Variants in PLCG2 observed in about 807,000 individuals in gnomAD.
The protein encoded by PLCG2 is phospholipase C gamma 2.
In PLCG2, 69 loss-of-function variants were observed where a neutral mutation model predicts 175.6. The ratio of observed to expected loss-of-function variants is 0.39; its 90% CI spans 0.32 to 0.48. The LOEUF (loss-of-function observed/expected upper bound fraction) is 0.48, where lower values mean the gene tolerates loss of function less well. Among genes scored for constraint, PLCG2 ranks in the 20% least tolerant of loss-of-function variants. PLCG2 has a pLI of 0.91. For missense variants in PLCG2, 1,798 were observed against 1,650.9 expected, an observed-to-expected ratio of 1.09 and a Z score of -1.54; for synonymous variants, 827 against 624.0, an observed-to-expected ratio of 1.33 and a Z score of -4.85.
intron 1 of PLCG2, chr16:81,785,727 G>T (rs184477337): frequency 1.6e-4 from 58 of 352,684 alleles, no homozygotes; most frequent in Admixed American, 3.5e-4. Context: ...TTGGGTCCTT[G>T]AGGTCAGGGG....
chr16:81,860,667 G>A (rs1906935351), intron 5 of PLCG2, among the ~76,000 whole-genome samples: 1 of 152,042 alleles, frequency 6.6e-6, no homozygotes, highest in Non-Finnish European at 1.5e-5. Flanking sequence ...TCTTGATAAT[G>A]TAATGATAAA....
In PLCG2 at chr16:81,962,238, C is replaced by G. The variant is rs1756765326; in HGVS notation, c.*4240C>G. On this transcript the variant is annotated 3_prime_UTR_variant, in exon 33 of 33. Transcript: ENST00000564138. ...AAGGATGGCTAAAAAGGACCTCAAC[C>G]CTTTTGACTTTAAAAGGAAAATAGC... 1 of 191,776 alleles carries G rather than the reference C, an allele frequency of 5.2e-6. No homozygotes were observed. Among genetic ancestry groups the G allele is most frequent in the Admixed American group, 6.2e-5 (1 of 16,252 alleles). The allele number at this position is 191,776 out of a possible 1,614,324, so 11.9% of individuals were successfully genotyped here. A position where few individuals can be genotyped will look rare whatever the true frequency, so the allele number is the denominator to read the frequency against.
At chr16:81,941,394 G>A (rs1567543142) in intron 30 of PLCG2, among the ~76,000 whole-genome samples, 1 of 152,194 alleles carries the variant, frequency 6.6e-6, no homozygotes, top group Non-Finnish European at 1.5e-5. Context: ...AGTCAGCCCA[G>A]GGTGGGGCCA....
intron 31 of PLCG2, among the ~76,000 whole-genome samples, chr16:81,949,819 C>T (rs1246327553): frequency 2.0e-5 from 3 of 152,026 alleles, no homozygotes; most frequent in Non-Finnish European, 4.4e-5. Context: ...AATCAAGTAT[C>T]AACAAAGCAA....
At chr16:81,826,415 C>G (rs1905052206) in intron 2 of PLCG2, among the ~76,000 whole-genome samples, 1 of 152,216 alleles carries the variant, frequency 6.6e-6, no homozygotes, top group Non-Finnish European at 1.5e-5. Flanking sequence ...CCAGTTTCAG[C>G]TCTGCACTTA....
chr16:81,863,521 A>G (rs62046679), intron 5 of PLCG2, among the ~76,000 whole-genome samples: 20,863 of 152,250 alleles, frequency 0.14, 1,672 homozygotes, highest in Non-Finnish European at 0.19. Context: ...GGGTGTACAA[A>G]TCTGTTTGAG....
chr16:81,943,412 C>T (rs559109359), intron 30 of PLCG2, among the ~76,000 whole-genome samples: 134 of 152,136 alleles, frequency 8.8e-4, no homozygotes, highest in Non-Finnish European at 1.6e-3. Flanking sequence ...TTTTATTAAA[C>T]AACCCCATCT....
chr16:81,961,475 A>G lies in PLCG2; in HGVS notation c.*3477A>G, dbSNP rs541907309. On this transcript the variant is annotated 3_prime_UTR_variant, in exon 33 of 33. Transcript: ENST00000564138. ...ATCCAGAGGAAAATTTTAAAGGCTTACAGCCTTAGGATTATAGGATACTAT... is the reference window on the plus strand; with the variant it reads ...ATCCAGAGGAAAATTTTAAAGGCTTGCAGCCTTAGGATTATAGGATACTAT... 1 of 224,756 alleles carries G rather than the reference A, an allele frequency of 4.4e-6. No homozygotes were observed. The highest frequency in any genetic ancestry group is 1.8e-4 in the South Asian group (1 of 5,468). The allele number at this position is 224,756 out of a possible 1,614,324, so 13.9% of individuals were successfully genotyped here.
intron 21 of PLCG2, among the ~76,000 whole-genome samples, chr16:81,922,894 C>T (rs1479136753): frequency 6.6e-6 from 1 of 152,208 alleles, no homozygotes; most frequent in East Asian, 1.9e-4. Context: ...GTTCTGTGAA[C>T]AGAGACCACC....
At chr16:81,914,202 C>A (rs965556195) in intron 19 of PLCG2, among the ~76,000 whole-genome samples, 4 of 152,230 alleles carry the variant, frequency 2.6e-5, no homozygotes, top group African/African-American at 9.6e-5. Context: ...CAACTAAACC[C>A]AACTGGCTGA....
chr16:81,952,134 G>C (rs977180294), intron 31 of PLCG2, among the ~76,000 whole-genome samples: 2 of 151,342 alleles, frequency 1.3e-5, no homozygotes, highest in African/African-American at 4.9e-5. Context: ...ACTTATATAA[G>C]AAAAAAACAT....
At chr16:81,910,117 G>T (rs1257745873) in intron 17 of PLCG2, among the ~76,000 whole-genome samples, 1 of 152,096 alleles carries the variant, frequency 6.6e-6, no homozygotes, top group East Asian at 1.9e-4. Flanking sequence ...TTGAGATGGA[G>T]TCTCGCTCTG....
rs16956018 is a variant in PLCG2 at position 81,937,630 on chromosome 16, C to T, written c.3053-128C>T. 2.5e-3 allele frequency: 1,776 copies of T among 720,588 alleles called. 31 individuals carry two copies. In the African/African-American group the frequency reaches 0.028, roughly 12 times the overall value. The allele number at this position is 720,588 out of a possible 1,614,324, so 44.6% of individuals were successfully genotyped here. A position where few individuals can be genotyped will look rare whatever the true frequency, so the allele number is the denominator to read the frequency against. The stretch of plus-strand genomic sequence containing the variant: ...CCTATATTTTCTTTGAGTGAGATAC[C>T]TATTTGAACAGCTGCCTCACATTAA... On this transcript the variant is annotated intron_variant, in intron 27 of 32. Transcript: ENST00000564138.
intron 19 of PLCG2, among the ~76,000 whole-genome samples, chr16:81,915,772 C>T (rs200303846): frequency 1.3e-4 from 20 of 151,324 alleles, no homozygotes; most frequent in East Asian, 9.6e-4. Context: ...GGCTCTGTAC[C>T]TCGGCACCCC....
chr16:81,802,817 C>T (rs1223353952), intron 2 of PLCG2, among the ~76,000 whole-genome samples: 2 of 152,142 alleles, frequency 1.3e-5, no homozygotes. Flanking sequence ...GTGATCCACC[C>T]ACCTCAGCCT....
intron 13 of PLCG2, among the ~76,000 whole-genome samples, chr16:81,899,750 G>T (rs911287106): frequency 6.6e-5 from 10 of 152,236 alleles, no homozygotes; most frequent in African/African-American, 2.4e-4. Context: ...GAAAACACCT[G>T]TGTCAGATAC....
intron 7 of PLCG2, among the ~76,000 whole-genome samples, chr16:81,876,318 T>C (rs1453647379): frequency 6.6e-6 from 1 of 152,180 alleles, no homozygotes; most frequent in Non-Finnish European, 1.5e-5. Flanking sequence ...CCACTGTGCC[T>C]GGCCTAGCTT....
chr16:81,856,230 G>C (rs1352942837), intron 3 of PLCG2, among the ~76,000 whole-genome samples: 1 of 152,154 alleles, frequency 6.6e-6, no homozygotes. Flanking sequence ...TCTCTGCCAT[G>C]GGTGTACGGA....
At chr16:81,790,470 G>A (rs1205309295) in intron 2 of PLCG2, among the ~76,000 whole-genome samples, 2 of 152,172 alleles carry the variant, frequency 1.3e-5, no homozygotes, top group Non-Finnish European at 2.9e-5. Context: ...GGCCCTGGGT[G>A]GGGACTGTCA....
Sources: gnomAD v4.1 joint callset for allele counts (sites outside exome capture counted in the v4.1 genomes callset) on GRCh38, gnomAD v4.1.1 for gene constraint, MANE v1.5 for transcripts, NCBI Gene and HGNC (gene_info 2026-07-23, HGNC 2026-07-21) for gene names.